The following TUBB8B variants were observed in gnomAD, a reference collection of about 807,000 sequenced individuals.
TUBB8B encodes the protein tubulin beta 8B.
Under a neutral mutation model 31.9 loss-of-function variants are expected in TUBB8B, and 26 were observed. The observed-to-expected ratio is 0.81, with a 90% CI of 0.60 to 1.13. The LOEUF (loss-of-function observed/expected upper bound fraction) is 1.13, where lower values mean the gene tolerates loss of function less well. Ranked by LOEUF, TUBB8B falls within the 50% of genes most tolerant of loss-of-function variation. The pLI is 0.00. For synonymous variants in TUBB8B, 173 were observed against 231.0 expected (o/e 0.75, Z 2.28); for missense variants, 467 against 586.7 (o/e 0.80, Z 2.11).
rs572006507 is a variant in TUBB8B, at chr18:47,847, A to C, written c.878T>G (p.Met293Arg). ...AGCCATCATGTTCTTAGCATCAAAC[A>C]TCTGCTGGGTGAGCTCAGCCACAGT... ...ALTVAELTQQ[M>R]FDAKNMMAAC... Residue 293 changes from methionine to arginine, a missense_variant, in exon 4 of 4, where the codon ATG becomes AGG. Around this residue, in one of 2 missense-constraint regions of TUBB8B, gnomAD observed 208 missense variants for 206.7 expected, o/e 1.01. Transcript: ENST00000308911. 6.2e-7 allele frequency: 1 copy of C among 1,611,408 alleles called. No individual in the cohort carries two copies. Among genetic ancestry groups the C allele is most frequent in the Admixed American group, 1.7e-5 (1 of 60,014 alleles).
At chr18:60,655 T>C in the TUBB8B span, among the ~76,000 whole-genome samples, 2 of 151,782 alleles carry the variant, frequency 1.3e-5, no homozygotes, top group Non-Finnish European at 2.9e-5. Context: ...TTTGCTATGC[T>C]ATGTTTCTAT....
upstream of TUBB8B, among the ~76,000 whole-genome samples, chr18:50,898 G>C (rs199620567): frequency 6.6e-6 from 1 of 152,034 alleles, no homozygotes; most frequent in African/African-American, 2.4e-5. Context: ...TGGCAGCAAA[G>C]CAGCATTCTA....
chr18:60,838 T>G, the TUBB8B span, among the ~76,000 whole-genome samples: 5 of 151,730 alleles, frequency 3.3e-5, no homozygotes, highest in Non-Finnish European at 7.4e-5. Context: ...TGATATTACT[T>G]CAATTTTTTT....
At chr18:60,714 T>C in the TUBB8B span, among the ~76,000 whole-genome samples, 2 of 151,820 alleles carry the variant, frequency 1.3e-5, no homozygotes, top group Non-Finnish European at 1.5e-5. Flanking sequence ...ACATTTTTAT[T>C]GACCTACTGA....
chr18:50,707 G>T (rs1906059344), upstream of TUBB8B, among the ~76,000 whole-genome samples: 2 of 151,838 alleles, frequency 1.3e-5, no homozygotes, highest in South Asian at 4.2e-4. Flanking sequence ...GCAATCCCTG[G>T]CCCATTTTTG....
chr18:64,397 G>T, the TUBB8B span, among the ~76,000 whole-genome samples: 3 of 152,158 alleles, frequency 2.0e-5, no homozygotes, highest in African/African-American at 7.2e-5. Flanking sequence ...ACTAAAGGAA[G>T]TGCTAATTAA....
the TUBB8B span, among the ~76,000 whole-genome samples, chr18:59,546 C>CTTTT: frequency 1.4e-3 from 193 of 136,838 alleles, 3 homozygotes; most frequent in Middle Eastern, 3.8e-3. Flanking sequence ...GTCCTTCATT[C>CTTTT]TTTTTTTTTT....
chr18:72,196 A>AAAAAAAACAAC, the TUBB8B span, among the ~76,000 whole-genome samples: 15 of 84,530 alleles, frequency 1.8e-4, no homozygotes, highest in African/African-American at 3.9e-4. Flanking sequence ...AAAAAAAAAA[A>AAAAAAAACAAC]AAAGGAAAAA....
At chr18:60,208 C>T in the TUBB8B span, among the ~76,000 whole-genome samples, 1 of 151,602 alleles carries the variant, frequency 6.6e-6, no homozygotes, top group Non-Finnish European at 1.5e-5. Flanking sequence ...CTAGTTCACT[C>T]TTGGTAAGTT....
chr18:55,425 G>C, the TUBB8B span, among the ~76,000 whole-genome samples: 1 of 151,818 alleles, frequency 6.6e-6, no homozygotes, highest in African/African-American at 2.4e-5. Context: ...AAAGGAAATA[G>C]GTTTAACTGA....
At position 47,555 on chromosome 18, in the gene TUBB8B, C is replaced by T. The variant is rs576855326; in HGVS notation, c.1170G>A (p.Arg390=). 6.2e-7 allele frequency: 1 copy of T among 1,611,190 alleles called. No individual in the cohort carries two copies. The highest frequency in any genetic ancestry group is 2.2e-5 in the East Asian group (1 of 44,820). The change falls in exon 4 of 4, where the codon AGG becomes AGA. Residue 390 remains arginine, a synonymous_variant. Coordinates refer to ENST00000308911, the MANE Select transcript of TUBB8B (RefSeq NM_001358689.2). ...CVSEQFTAMF[R]RKAFLHWYTG... is the part of the protein sequence containing the mutation. ...TGTACCAGTGGAGGAAGGCCTTGCGCCTGAACATTGCTGTAAACTGCTCTG... is the reference window on the plus strand; with the variant it reads ...TGTACCAGTGGAGGAAGGCCTTGCGTCTGAACATTGCTGTAAACTGCTCTG...
At chr18:72,504 A>G in the TUBB8B span, among the ~76,000 whole-genome samples, 1 of 152,198 alleles carries the variant, frequency 6.6e-6, no homozygotes, top group Non-Finnish European at 1.5e-5. Context: ...CACTTCCATT[A>G]GACGCACACA....
the TUBB8B span, among the ~76,000 whole-genome samples, chr18:69,247 C>T: frequency 6.6e-6 from 1 of 152,214 alleles, no homozygotes; most frequent in Non-Finnish European, 1.5e-5. Flanking sequence ...AATCCCAGCA[C>T]TTTGCGGGGG....
rs765230859 is a variant in TUBB8B, at chr18:48,921, G to A, written c.277+19C>T. The stretch of plus-strand genomic sequence containing the variant: ...GCCCTGGCTAAGGAGCCGCACCCCA[G>A]TCCTCGCCCGCAGCTCACCGGAAAT... On this transcript the variant is annotated intron_variant, in intron 3 of 3. Coordinates refer to ENST00000308911, the MANE Select transcript of TUBB8B (RefSeq NM_001358689.2). 4 of 1,516,364 alleles carry A rather than the reference G, an allele frequency of 2.6e-6. No individual in the cohort carries two copies. Among genetic ancestry groups the A allele is most frequent in the African/African-American group, 2.7e-5 (2 of 73,488 alleles). The allele number at this position is 1,516,364 out of a possible 1,614,324, so 93.9% of individuals were successfully genotyped here.
rs760174521 is a variant in TUBB8B, at chr18:47,965, C to T, written c.760G>A (p.Ala254Thr). ...GQLNADLRKL[A>T]VNMVPFPRLH... ...CGGGGAAACGGGACCATGTTCACGG[C>T]CAGCTTCCGCAGGTCAGCATTCAGC... Residue 254 changes from alanine (A) to threonine (T), a missense_variant, in exon 4 of 4, where the codon GCC becomes ACC. Transcript: ENST00000308911. 2 of 1,611,652 alleles carry T rather than the reference C, an allele frequency of 1.2e-6. No individual in the cohort carries two copies. The highest frequency in any genetic ancestry group is 2.2e-5 in the South Asian group (2 of 90,994).
chr18:49,396 G>A, intron 1 of TUBB8B, 105 bp downstream of exon 1: 1 of 811,252 alleles, frequency 1.2e-6, no homozygotes, highest in East Asian at 2.7e-5. Flanking sequence ...TCCCCGGCAG[G>A]GAGCCCAGGG....
chr18:72,177 C>CAAAAAAAAAAAAAAAAAAAAAAA, the TUBB8B span, among the ~76,000 whole-genome samples: 37 of 78,764 alleles, frequency 4.7e-4, no homozygotes, highest in East Asian at 3.9e-3. Context: ...GACTCCATCT[C>CAAAAAAAAAAAAAAAAAAAAAAA]AAAAAAAAAA....
the TUBB8B span, among the ~76,000 whole-genome samples, chr18:62,496 G>A: frequency 4.2e-4 from 63 of 149,386 alleles, no homozygotes; most frequent in African/African-American, 1.5e-3. Context: ...TCGGCTCACT[G>A]GAAGCTCCGC....
At chr18:65,306 A>T in the TUBB8B span, among the ~76,000 whole-genome samples, 1 of 152,110 alleles carries the variant, frequency 6.6e-6, no homozygotes, top group East Asian at 1.9e-4. Context: ...TGTCTCAAAA[A>T]AATTTAAAAA....
Sources: gnomAD v4.1 joint callset for allele counts (sites outside exome capture counted in the v4.1 genomes callset) on GRCh38, gnomAD v4.1.1 for gene constraint, gnomAD v4.1.1 regional missense constraint, MANE v1.5 for transcripts, NCBI Gene and HGNC (gene_info 2026-07-23, HGNC 2026-07-21) for gene names.